Variants in ME1 observed in about 807,000 individuals in gnomAD.
ME1 encodes NADP-dependent malic enzyme.
A neutral mutation model predicts 66.4 loss-of-function variants in ME1; 74 were observed. The observed-to-expected ratio is 1.11, with a 90% CI of 0.92 to 1.35. ME1 has a LOEUF of 1.35. ME1 is among the 40% of genes most tolerant of loss of function. ME1 has a pLI of 0.00. For synonymous variants in ME1, 251 were observed against 235.6 expected (o/e 1.07, Z -0.60); for missense variants, 750 against 694.1 (o/e 1.08, Z -0.90).
At chr6:83,405,787 T>C (rs563944799) in intron 2 of ME1, among the ~76,000 whole-genome samples, 1 of 147,754 alleles carries the variant, frequency 6.8e-6, no homozygotes, top group African/African-American at 2.5e-5. Context: ...AGTGGCGGGA[T>C]CTCGGCTCAC....
At chr6:83,243,738 AATTAT>A (rs1404105082) in intron 7 of ME1, among the ~76,000 whole-genome samples, 6 of 132,492 alleles carry the variant, frequency 4.5e-5, no homozygotes, top group East Asian at 4.0e-4. Context: ...TATAATATAT[AATTAT>A]ATTATATTAT....
intron 6 of ME1, among the ~76,000 whole-genome samples, chr6:83,262,024 A>G (rs928602151): frequency 6.6e-6 from 1 of 151,676 alleles, no homozygotes; most frequent in Non-Finnish European, 1.5e-5. Context: ...AAAAAAAAAA[A>G]AAAAAAGAAA....
At chr6:83,244,668 G>A (rs774451334) in intron 7 of ME1, among the ~76,000 whole-genome samples, 1 of 152,008 alleles carries the variant, frequency 6.6e-6, no homozygotes. Context: ...GCAGTATCAA[G>A]AAATAGTTAC....
chr6:83,261,870 T>A (rs1766897929), intron 6 of ME1, among the ~76,000 whole-genome samples: 1 of 151,406 alleles, frequency 6.6e-6, no homozygotes, highest in African/African-American at 2.4e-5. Flanking sequence ...AAAAATTAGC[T>A]AGGCGTGGTG....
intron 5 of ME1, among the ~76,000 whole-genome samples, chr6:83,340,917 A>G (rs566225227): frequency 6.6e-6 from 1 of 151,960 alleles, no homozygotes; most frequent in East Asian, 1.9e-4. Context: ...TTATATTTCT[A>G]TTTATTCTGT....
intron 3 of ME1, among the ~76,000 whole-genome samples, chr6:83,354,398 T>C (rs1435857307): frequency 3.9e-5 from 6 of 152,168 alleles, no homozygotes; most frequent in Admixed American, 3.3e-4. Flanking sequence ...TCCCAAAGTG[T>C]TGGGATTATA....
At chr6:83,297,422 C>A (rs1767619870) in intron 6 of ME1, among the ~76,000 whole-genome samples, 1 of 152,014 alleles carries the variant, frequency 6.6e-6, no homozygotes, top group African/African-American at 2.4e-5. Flanking sequence ...TCCAATCAAA[C>A]TATCAATTAC....
intron 5 of ME1, among the ~76,000 whole-genome samples, chr6:83,339,470 G>GTGA (rs1161377725): frequency 7.5e-5 from 1 of 13,270 alleles, no homozygotes; most frequent in African/African-American, 1.6e-4. Flanking sequence ...CCATTACTGG[G>GTGA]TATATACCCA....
chr6:83,246,730 G>T (rs891493821), intron 7 of ME1, among the ~76,000 whole-genome samples: 1 of 151,962 alleles, frequency 6.6e-6, no homozygotes, highest in African/African-American at 2.4e-5. Context: ...GGATAAATTT[G>T]TACAAAAGAA....
intron 1 of ME1, among the ~76,000 whole-genome samples, chr6:83,415,717 T>A (rs530716706): frequency 1.1e-4 from 16 of 152,316 alleles, no homozygotes; most frequent in Admixed American, 1.0e-3. Flanking sequence ...AATCATTTAA[T>A]TAAACTAATC....
intron 9 of ME1, among the ~76,000 whole-genome samples, chr6:83,237,311 AAAGAAAAGG>A (rs1416710513): frequency 7.8e-6 from 1 of 128,160 alleles, no homozygotes; most frequent in East Asian, 2.2e-4. Context: ...AAAAAGAAAG[AAAGAAAAGG>A]AAGGAAAGGA....
chr6:83,407,117 T>C (rs1026373283), intron 2 of ME1, among the ~76,000 whole-genome samples: 1 of 152,078 alleles, frequency 6.6e-6, no homozygotes, highest in South Asian at 2.1e-4. Flanking sequence ...TCTTTTCAAA[T>C]AGCTGTTGTT....
intron 3 of ME1, among the ~76,000 whole-genome samples, chr6:83,370,346 T>C (rs1769172566): frequency 6.6e-6 from 1 of 152,198 alleles, no homozygotes; most frequent in Admixed American, 6.5e-5. Flanking sequence ...CAATCCCGTA[T>C]GTGATAACTT....
At chr6:83,331,847 GTTCT>G (rs1392106128) in intron 5 of ME1, among the ~76,000 whole-genome samples, 1 of 152,030 alleles carries the variant, frequency 6.6e-6, no homozygotes, top group East Asian at 1.9e-4. Flanking sequence ...GTATGAAAAG[GTTCT>G]TTAAGACATA....
intron 5 of ME1, among the ~76,000 whole-genome samples, chr6:83,324,033 T>C (rs61336621): frequency 0.016 from 2,490 of 152,056 alleles, 61 homozygotes; most frequent in East Asian, 0.06. Context: ...ATTAATAAAC[T>C]CACTCAAAAC....
intron 3 of ME1, among the ~76,000 whole-genome samples, chr6:83,361,096 G>T (rs541940900): frequency 7.7e-4 from 117 of 152,322 alleles, no homozygotes; most frequent in Admixed American, 1.6e-3. Context: ...TATGACACTG[G>T]TCCATTACAT....
At chr6:83,405,583 G>A (rs554421982) in intron 2 of ME1, among the ~76,000 whole-genome samples, 87 of 152,184 alleles carry the variant, frequency 5.7e-4, no homozygotes, top group African/African-American at 2.0e-3. Context: ...GTCTTGTACC[G>A]GTTTTCAAAG....
rs1244472929 is a variant in ME1, at chr6:83,329,827, A to G, written c.601-14414T>C. Among the ~76,000 whole-genome samples, 5 of 151,708 alleles carry G rather than the reference A, an allele frequency of 3.3e-5. No homozygotes were observed. In the East Asian group the frequency reaches 5.8e-4, roughly 18 times the overall value. On this transcript the variant is annotated intron_variant, in intron 5 of 13. Coordinates refer to ENST00000369705, the MANE Select transcript of ME1 (RefSeq NM_002395.6). ...TCTCTTTTTTTATGTCTTCTTTTAA[A>G]ATTATTTTTTAGAGACAAGTTCTCA...
intron 5 of ME1, among the ~76,000 whole-genome samples, chr6:83,327,796 T>C (rs1145903): frequency 0.25 from 38,563 of 152,018 alleles, 5,586 homozygotes; most frequent in Middle Eastern, 0.46. Context: ...AAATCCCTAA[T>C]AAAAACTTGC....
Sources: allele counts gnomAD v4.1 joint callset (sites outside exome capture counted in the v4.1 genomes callset), GRCh38; gene constraint gnomAD v4.1.1; transcripts MANE v1.5; gene names NCBI Gene and HGNC (gene_info 2026-07-23, HGNC 2026-07-21).